The following ADK variants were observed in gnomAD, a reference collection of about 807,000 sequenced individuals.
ADK encodes the protein adenosine kinase.
In ADK, 24 loss-of-function variants were observed where a neutral mutation model predicts 44.7. The ratio of observed to expected loss-of-function variants is 0.54; its 90% CI spans 0.39 to 0.76. The LOEUF (loss-of-function observed/expected upper bound fraction) is 0.76, where lower values mean the gene tolerates loss of function less well. ADK is among the 30% of genes least tolerant of loss of function. ADK has a pLI of 0.00. For missense variants in ADK, 321 were observed against 425.1 expected (o/e 0.76, Z 2.15); for synonymous variants, 128 against 142.6 (o/e 0.90, Z 0.73).
At chr10:74,394,398 T>C in intron 5 of ADK, 85 bp downstream of exon 5, 1 of 1,313,602 alleles carries the variant, frequency 7.6e-7, no homozygotes, top group Non-Finnish European at 1.1e-6. Context: ...ATTTGGAATT[T>C]TGACTTTATA....
chr10:74,368,919 G>A (rs576797208), intron 4 of ADK, among the ~76,000 whole-genome samples: 8 of 152,098 alleles, frequency 5.3e-5, no homozygotes, highest in Non-Finnish European at 1.2e-4. Flanking sequence ...ACGAGCCACC[G>A]CATCCTGCCT....
Position 74,209,828 on chromosome 10 carries a change from G to A in ADK, c.140+8990G>A, listed in dbSNP as rs540035403. ...GGGACACAGTGGGCATGAGGGGATA[G>A]GAAATGTGGAACATATGAATACCTC... On this transcript the variant is annotated intron_variant, in intron 2 of 10. Coordinates refer to ENST00000539909, the MANE Select transcript of ADK (RefSeq NM_006721.4). Among the ~76,000 whole-genome samples, 6 of 152,222 alleles carry A rather than the reference G, an allele frequency of 3.9e-5. No individual in the cohort carries two copies. The South Asian group carries it at 1.2e-3, about 32-fold the overall frequency.
chr10:74,450,238 A>G (rs1407567118), intron 6 of ADK, among the ~76,000 whole-genome samples: 1 of 152,198 alleles, frequency 6.6e-6, no homozygotes, highest in Non-Finnish European at 1.5e-5. Flanking sequence ...ACTTGAATCT[A>G]GAGGTGGAAG....
intron 10 of ADK, among the ~76,000 whole-genome samples, chr10:74,678,427 A>C (rs565840790): frequency 6.6e-6 from 1 of 152,238 alleles, no homozygotes; most frequent in African/African-American, 2.4e-5. Flanking sequence ...CACTTTGTTC[A>C]TGTGAAATAC....
intron 6 of ADK, among the ~76,000 whole-genome samples, chr10:74,421,440 T>A (rs1844552394): frequency 6.6e-6 from 1 of 152,128 alleles, no homozygotes; most frequent in Non-Finnish European, 1.5e-5. Context: ...GTTGGAGATA[T>A]AAGTATTTAC....
intron 3 of ADK, among the ~76,000 whole-genome samples, chr10:74,275,650 T>A (rs1846644011): frequency 6.6e-6 from 1 of 152,002 alleles, no homozygotes; most frequent in Admixed American, 6.6e-5. Context: ...TTAGAAACAT[T>A]CTTTTCTTTT....
chr10:74,371,046 A>G (rs1198081902), intron 4 of ADK, among the ~76,000 whole-genome samples: 1 of 152,228 alleles, frequency 6.6e-6, no homozygotes, highest in Non-Finnish European at 1.5e-5. Context: ...CAAACAACAC[A>G]TTATGATGAA....
intron 3 of ADK, among the ~76,000 whole-genome samples, chr10:74,299,533 A>T (rs75356271): frequency 7.8e-6 from 1 of 128,288 alleles, no homozygotes; most frequent in East Asian, 2.2e-4. Flanking sequence ...TATATATATA[A>T]AATATATTAA....
chr10:74,481,437 A>G (rs1847068550), intron 6 of ADK, among the ~76,000 whole-genome samples: 2 of 151,494 alleles, frequency 1.3e-5, no homozygotes, highest in South Asian at 4.2e-4. Context: ...CCTCCATTTT[A>G]TTTACTATAT....
chr10:74,393,193 A>G (rs981342032), intron 4 of ADK, among the ~76,000 whole-genome samples: 1 of 152,118 alleles, frequency 6.6e-6, no homozygotes, highest in Admixed American at 6.6e-5. Flanking sequence ...ATATTTGAGA[A>G]CAGATTTTAT....
At chr10:74,238,856 CTTTTTTTTTTTTTT>C (rs752385282) in intron 3 of ADK, among the ~76,000 whole-genome samples, 1 of 88,198 alleles carries the variant, frequency 1.1e-5, no homozygotes, top group Non-Finnish European at 2.0e-5. Context: ...TTAGCTAGTG[CTTTTTTTTTTTTTT>C]TTTTTTTTTT....
chr10:74,537,182 TG>T (rs367788922), intron 7 of ADK, among the ~76,000 whole-genome samples: 21 of 152,340 alleles, frequency 1.4e-4, no homozygotes, highest in African/African-American at 4.8e-4. Context: ...TTGATTTGTG[TG>T]GTTTACTTTC....
At chr10:74,576,671 TAAC>T (rs1029463744) in intron 7 of ADK, among the ~76,000 whole-genome samples, 7 of 152,170 alleles carry the variant, frequency 4.6e-5, no homozygotes, top group African/African-American at 1.4e-4. Context: ...AGATGGCTGT[TAAC>T]AAAAAGTTAA....
intron 6 of ADK, among the ~76,000 whole-genome samples, chr10:74,446,577 A>G (rs1338396895): frequency 6.6e-6 from 1 of 152,166 alleles, no homozygotes; most frequent in Non-Finnish European, 1.5e-5. Context: ...AAGTATTGTG[A>G]TATAAGACTA....
intron 6 of ADK, among the ~76,000 whole-genome samples, chr10:74,478,937 G>A (rs897944687): frequency 2.6e-5 from 4 of 152,088 alleles, no homozygotes; most frequent in African/African-American, 9.7e-5. Flanking sequence ...TGTCAGTGTT[G>A]TGCTCTTTCC....
chr10:74,563,084 T>C (rs1171980254), intron 7 of ADK, among the ~76,000 whole-genome samples: 2 of 152,144 alleles, frequency 1.3e-5, no homozygotes, highest in Non-Finnish European at 1.5e-5. Flanking sequence ...GACATCCCAC[T>C]GTGTTGTCCA....
chr10:74,427,564 G>C (rs1212174761), intron 6 of ADK, among the ~76,000 whole-genome samples: 1 of 152,096 alleles, frequency 6.6e-6, no homozygotes, highest in East Asian at 1.9e-4. Flanking sequence ...GAGTGAGCCT[G>C]GTTTCTCACT....
At chr10:74,386,513 A>C (rs1843146364) in intron 4 of ADK, among the ~76,000 whole-genome samples, 1 of 152,212 alleles carries the variant, frequency 6.6e-6, no homozygotes, top group East Asian at 1.9e-4. Flanking sequence ...TATGAAGTTT[A>C]ATATGCCATT....
intron 7 of ADK, among the ~76,000 whole-genome samples, chr10:74,553,366 A>T (rs1053076267): frequency 3.3e-5 from 5 of 151,844 alleles, no homozygotes; most frequent in African/African-American, 1.2e-4. Flanking sequence ...ACACCCAGCT[A>T]ATTTTTGTAT....
Sources: gnomAD v4.1 joint callset for allele counts (sites outside exome capture counted in the v4.1 genomes callset) on GRCh38, gnomAD v4.1.1 for gene constraint, MANE v1.5 for transcripts, NCBI Gene and HGNC (gene_info 2026-07-23, HGNC 2026-07-21) for gene names.